LRBA: variants seen among roughly 807,000 people sequenced by gnomAD.
LRBA encodes lipopolysaccharide-responsive and beige-like anchor protein.
In LRBA, 176 loss-of-function variants were observed where a neutral mutation model predicts 330.0. The observed-to-expected ratio is 0.53, with a 90% CI of 0.47 to 0.60. The LOEUF is 0.60. Among genes scored for constraint, LRBA ranks in the 20% least tolerant of loss-of-function variants. LRBA has a pLI of 0.00. For synonymous variants in LRBA, 1,230 were observed against 1,193.0 expected, an observed-to-expected ratio of 1.03 and a Z score of -0.64; for missense variants, 3,259 against 3,444.8, an observed-to-expected ratio of 0.95 and a Z score of 1.35.
At chr4:150,933,651 A>G (rs572829842) in intron 2 of LRBA, among the ~76,000 whole-genome samples, 1 of 152,326 alleles carries the variant, frequency 6.6e-6, no homozygotes, top group African/African-American at 2.4e-5. Flanking sequence ...TAGTACATAC[A>G]CTTTTGAACA....
chr4:150,920,209 T>C (rs978678406), intron 5 of LRBA, among the ~76,000 whole-genome samples: 1 of 152,166 alleles, frequency 6.6e-6, no homozygotes, highest in African/African-American at 2.4e-5. Context: ...AAAAAAAGAA[T>C]GAAAGATAAG....
rs560365238 is a variant in LRBA at position 150,735,295 on chromosome 4, T to C, written c.5717A>G (p.Gln1906Arg). 3 of 1,613,884 alleles carry C rather than the reference T, an allele frequency of 1.9e-6. No individual in the cohort carries two copies. The highest frequency in any genetic ancestry group is 2.2e-5 in the East Asian group (1 of 44,862). The stretch of plus-strand genomic sequence containing the variant: ...ATGTCTGTGAATATCTTCTGCTCTC[T>C]GCCTGCTCAGGATAAATTCAGCTTC... ...ANEAEFILSR[Q>R]RAEDIHRHAE... is the part of the protein sequence containing the mutation. Residue 1906 changes from glutamine (Q) to arginine (R), a missense_variant, in exon 36 of 57, where the codon CAG becomes CGG. Transcript: ENST00000651943.
chr4:150,483,304 G>A (rs1228125440), intron 42 of LRBA, among the ~76,000 whole-genome samples: 3 of 151,868 alleles, frequency 2.0e-5, no homozygotes, highest in African/African-American at 7.2e-5. Context: ...GATCATATAT[G>A]TTTGAGTCTA....
chr4:150,502,660 C>A (rs1368845013), intron 40 of LRBA, among the ~76,000 whole-genome samples: 2 of 152,234 alleles, frequency 1.3e-5, no homozygotes, highest in African/African-American at 4.8e-5. Context: ...GCATTTCCAA[C>A]TGAGGTACCG....
intron 2 of LRBA, chr4:150,970,790 T>G (rs1739503103): frequency 6.6e-6 from 1 of 152,026 alleles, no homozygotes; most frequent in South Asian, 2.1e-4. Context: ...TCTAGAGTAT[T>G]AGTTATCTTT....
At chr4:150,455,306 C>T (rs920494539) in intron 44 of LRBA, among the ~76,000 whole-genome samples, 6 of 151,988 alleles carry the variant, frequency 3.9e-5, no homozygotes, top group Non-Finnish European at 7.4e-5. Flanking sequence ...GACTATAAAT[C>T]ATGCTGCTAT....
intron 17 of LRBA, among the ~76,000 whole-genome samples, chr4:150,889,536 T>G (rs1030165422): frequency 5.9e-5 from 9 of 152,182 alleles, no homozygotes; most frequent in African/African-American, 2.2e-4. Flanking sequence ...CTCTGCCTCC[T>G]GTCATATCAG....
chr4:150,449,789 A>C (rs1369305755), intron 44 of LRBA, among the ~76,000 whole-genome samples: 1 of 152,184 alleles, frequency 6.6e-6, no homozygotes, highest in East Asian at 1.9e-4. Context: ...TTTGGGCATA[A>C]AATCTTATTC....
chr4:150,488,314 A>G (rs1035714707), intron 41 of LRBA, among the ~76,000 whole-genome samples: 16 of 151,846 alleles, frequency 1.1e-4, no homozygotes, highest in Admixed American at 9.2e-4. Flanking sequence ...AATCAGTTAC[A>G]TTTATTTCCA....
At chr4:150,711,419 G>A (rs535387606) in intron 36 of LRBA, among the ~76,000 whole-genome samples, 5 of 151,760 alleles carry the variant, frequency 3.3e-5, no homozygotes, top group African/African-American at 9.7e-5. Context: ...TGTATTTTTA[G>A]TAGAGAAGGG....
At chr4:150,982,762 T>C (rs981003726) in intron 2 of LRBA, among the ~76,000 whole-genome samples, 3 of 152,184 alleles carry the variant, frequency 2.0e-5, no homozygotes, top group East Asian at 1.9e-4. Flanking sequence ...AGCCACAGAA[T>C]GTAGGGCAAT....
At chr4:150,682,716 ACT>A (rs1384756194) in intron 37 of LRBA, among the ~76,000 whole-genome samples, 1 of 151,942 alleles carries the variant, frequency 6.6e-6, no homozygotes, top group Non-Finnish European at 1.5e-5. Context: ...AGCAAATTAC[ACT>A]CTTATATAAT....
intron 16 of LRBA, among the ~76,000 whole-genome samples, chr4:150,893,503 C>T (rs1400922905): frequency 1.3e-5 from 2 of 151,984 alleles, no homozygotes; most frequent in South Asian, 2.1e-4. Context: ...GAGTGCACCA[C>T]CACATCTGGC....
intron 36 of LRBA, among the ~76,000 whole-genome samples, chr4:150,730,618 G>A (rs1472514618): frequency 2.0e-5 from 3 of 150,394 alleles, no homozygotes; most frequent in African/African-American, 7.4e-5. Context: ...GGGAGGTGGA[G>A]GTTGCAGTGA....
At chr4:150,447,543 C>T (rs1172182998) in intron 44 of LRBA, among the ~76,000 whole-genome samples, 1 of 152,162 alleles carries the variant, frequency 6.6e-6, no homozygotes, top group Non-Finnish European at 1.5e-5. Context: ...ATTACACCAC[C>T]AGCTTTCCAG....
intron 47 of LRBA, among the ~76,000 whole-genome samples, chr4:150,365,347 A>G (rs555680208): frequency 7.9e-5 from 12 of 152,266 alleles, no homozygotes; most frequent in Non-Finnish European, 1.8e-4. Flanking sequence ...TTAGAGCAAG[A>G]CAGAGAATGA....
At chr4:150,378,158 C>T (rs1741643106) in intron 47 of LRBA, among the ~76,000 whole-genome samples, 1 of 152,050 alleles carries the variant, frequency 6.6e-6, no homozygotes, top group South Asian at 2.1e-4. Context: ...TAGCATGATC[C>T]CTTACTTCTT....
chr4:150,935,440 T>C (rs1668001485), intron 2 of LRBA, among the ~76,000 whole-genome samples: 1 of 152,076 alleles, frequency 6.6e-6, no homozygotes. Context: ...TATTAAAACA[T>C]ACACAAGACT....
intron 17 of LRBA, among the ~76,000 whole-genome samples, chr4:150,875,951 G>A (rs1753982726): frequency 6.6e-6 from 1 of 152,136 alleles, no homozygotes. Context: ...GAAGCTCAAT[G>A]ATATCCAAGA....
Sources: allele counts gnomAD v4.1 joint callset (sites outside exome capture counted in the v4.1 genomes callset), GRCh38; gene constraint gnomAD v4.1.1; transcripts MANE v1.5; gene names NCBI Gene and HGNC (gene_info 2026-07-23, HGNC 2026-07-21).